The following GRIP1 variants were observed in gnomAD, a reference collection of about 807,000 sequenced individuals.
GRIP1 encodes glutamate receptor-interacting protein 1.
A neutral mutation model predicts 129.9 loss-of-function variants in GRIP1; 45 were observed. That is an observed-to-expected ratio of 0.35 (90% CI 0.27 to 0.44). The LOEUF (loss-of-function observed/expected upper bound fraction) is 0.44, where lower values mean the gene tolerates loss of function less well. Ranked by LOEUF, GRIP1 falls within the 20% of genes least tolerant of loss-of-function variation. The pLI is 1.00. For synonymous variants in GRIP1, 530 were observed against 520.8 expected (o/e 1.02, Z -0.24); for missense variants, 1,196 against 1,396.8 (o/e 0.86, Z 2.29).
chr12:66,560,135 G>A (rs1387640877), intron 2 of GRIP1, among the ~76,000 whole-genome samples: 1 of 152,038 alleles, frequency 6.6e-6, no homozygotes. Context: ...AATGAAACTA[G>A]ACCCCCATCT....
intron 1 of GRIP1, among the ~76,000 whole-genome samples, chr12:66,848,000 G>A (rs1354312970): frequency 6.6e-6 from 1 of 152,058 alleles, no homozygotes; most frequent in Admixed American, 6.6e-5. Flanking sequence ...TCATTAACTT[G>A]AACATTTTGA....
At chr12:66,784,686 A>G (rs1461483600) in intron 1 of GRIP1, among the ~76,000 whole-genome samples, 1 of 152,188 alleles carries the variant, frequency 6.6e-6, no homozygotes, top group Non-Finnish European at 1.5e-5. Flanking sequence ...TCAGGAAAAA[A>G]AAATCTTTTT....
intron 1 of GRIP1, among the ~76,000 whole-genome samples, chr12:66,936,256 C>CA (rs780258768): frequency 2.6e-5 from 4 of 151,750 alleles, no homozygotes; most frequent in African/African-American, 4.8e-5. Flanking sequence ...CTTGTCTCTA[C>CA]AAAAAACAGA....
Position 67,010,323 on chromosome 12 carries a change from T to C in GRIP1, c.58+58727A>G, listed in dbSNP as rs568918505. Among the ~76,000 whole-genome samples, 14 of 152,330 alleles carry C rather than the reference T, an allele frequency of 9.2e-5. No individual in the cohort carries two copies. In the South Asian group the frequency reaches 2.9e-3, roughly 32 times the overall value. Reference sequence around the variant, plus strand: ...ATCTGACCTAATAGCAATTCGAGTTTAGAAAGACATAGGTGTTTTACTTGC... The same window carrying C: ...ATCTGACCTAATAGCAATTCGAGTTCAGAAAGACATAGGTGTTTTACTTGC... On this transcript the variant is annotated intron_variant, in intron 1 of 1. Coordinates refer to the GRIP1 transcript ENST00000643019.
At chr12:66,432,158 G>A (rs1281758154) in intron 14 of GRIP1, among the ~76,000 whole-genome samples, 1 of 151,930 alleles carries the variant, frequency 6.6e-6, no homozygotes, top group Non-Finnish European at 1.5e-5. Context: ...AATATAAAAT[G>A]TAGAGAATCT....
intron 1 of GRIP1, among the ~76,000 whole-genome samples, chr12:66,827,387 T>TGTGTGTGAGAGAGAGAGAGA (rs755458052): frequency 7.0e-4 from 76 of 108,268 alleles, no homozygotes; most frequent in Non-Finnish European, 1.1e-3. Context: ...TGTGTGTGTG[T>TGTGTGTGAGAGAGAGAGAGA]GAGAGAGAGA....
chr12:66,683,069 T>C (rs2034646491), upstream of GRIP1, among the ~76,000 whole-genome samples: 1 of 151,978 alleles, frequency 6.6e-6, no homozygotes, highest in Non-Finnish European at 1.5e-5. Context: ...CTGCAACACA[T>C]ACACAGTTAT....
At chr12:66,511,613 G>A (rs2060701253) in intron 7 of GRIP1, among the ~76,000 whole-genome samples, 1 of 152,116 alleles carries the variant, frequency 6.6e-6, no homozygotes, top group South Asian at 2.1e-4. Flanking sequence ...ATAGTGATCA[G>A]CATTTGCCCC....
chr12:66,945,663 C>T (rs927344531), intron 1 of GRIP1, among the ~76,000 whole-genome samples: 13 of 152,158 alleles, frequency 8.5e-5, no homozygotes, highest in African/African-American at 3.1e-4. Flanking sequence ...GGATCTGCCC[C>T]CATGACCCAC....
intron 1 of GRIP1, among the ~76,000 whole-genome samples, chr12:67,016,794 A>G (rs956722150): frequency 6.6e-6 from 1 of 152,200 alleles, no homozygotes; most frequent in African/African-American, 2.4e-5. Flanking sequence ...TTGTGCATAC[A>G]TCATTTCCTT....
rs376743837 is a variant in GRIP1, at chr12:66,529,884, G to A, written c.449C>T (p.Thr150Ile). Residue 150 changes from threonine (T) to isoleucine (I), a missense_variant, in exon 5 of 25, where the codon ACA becomes ATA. This residue lies in a region of GRIP1 where 217 missense variants were observed against 224.8 expected (regional missense o/e 0.97). Coordinates refer to ENST00000359742, the MANE Select transcript of GRIP1 (RefSeq NM_001366722.1). ...SVQGSSVIFR[T>I]VEVTLHKEGN... ...TTCTTTATGTAATGTGACCTCCACT[G>A]TTCGGAAAATAACACTTGATCCTTG... 8 of 1,604,474 alleles carry A rather than the reference G, an allele frequency of 5.0e-6. No homozygotes were observed. Among genetic ancestry groups the A allele is most frequent in the Admixed American group, 1.7e-5 (1 of 59,992 alleles).
At chr12:66,389,439 G>A (rs2137483840) in intron 19 of GRIP1, among the ~76,000 whole-genome samples, 1 of 152,180 alleles carries the variant, frequency 6.6e-6, no homozygotes, top group Admixed American at 6.5e-5. Flanking sequence ...CGTTGCTCAG[G>A]CTGGTCTTGA....
intron 1 of GRIP1, among the ~76,000 whole-genome samples, chr12:66,937,650 T>C (rs551499222): frequency 6.6e-6 from 1 of 152,168 alleles, no homozygotes; most frequent in Non-Finnish European, 1.5e-5. Flanking sequence ...GAAAGAATTA[T>C]GGGGCTTAAG....
At chr12:66,745,342 G>A (rs2036911743) in intron 1 of GRIP1, among the ~76,000 whole-genome samples, 1 of 152,164 alleles carries the variant, frequency 6.6e-6, no homozygotes, top group Non-Finnish European at 1.5e-5. Flanking sequence ...AGAAAGACAA[G>A]GTACATAGAG....
intron 1 of GRIP1, among the ~76,000 whole-genome samples, chr12:66,774,675 T>C (rs1382902050): frequency 6.6e-6 from 1 of 152,124 alleles, no homozygotes; most frequent in Non-Finnish European, 1.5e-5. Context: ...AATGCAACCA[T>C]AGGCTACACG....
intron 7 of GRIP1, 67 bp from the exon 8 acceptor site, chr12:66,465,489 G>T: frequency 7.3e-7 from 1 of 1,373,526 alleles, no homozygotes; most frequent in Non-Finnish European, 1.0e-6. Context: ...AAAAGAAAGA[G>T]ATGAAGAATA....
chr12:66,709,364 A>G (rs1177773429), intron 1 of GRIP1, among the ~76,000 whole-genome samples: 3 of 152,034 alleles, frequency 2.0e-5, no homozygotes, highest in Admixed American at 6.6e-5. Context: ...AAATGATCTC[A>G]ACAGAGTGGC....
At chr12:66,450,012 A>T (rs1219344841) in intron 11 of GRIP1, among the ~76,000 whole-genome samples, 1 of 152,138 alleles carries the variant, frequency 6.6e-6, no homozygotes, top group East Asian at 1.9e-4. Context: ...ACTAAGAAAG[A>T]GCCAAGAGCC....
At chr12:66,430,652 A>G (rs1025335630) in intron 14 of GRIP1, among the ~76,000 whole-genome samples, 11 of 152,188 alleles carry the variant, frequency 7.2e-5, no homozygotes, top group African/African-American at 2.7e-4. Context: ...TAAGAAATAC[A>G]CCATAGGGTA....
Sources: allele counts gnomAD v4.1 joint callset (sites outside exome capture counted in the v4.1 genomes callset), GRCh38; gene constraint gnomAD v4.1.1; regional missense constraint gnomAD v4.1.1; transcripts MANE v1.5; gene names NCBI Gene and HGNC (gene_info 2026-07-23, HGNC 2026-07-21).